The following XXYLT1 variants were observed in gnomAD, a reference collection of about 807,000 sequenced individuals.
XXYLT1 encodes xyloside xylosyltransferase 1.
A neutral mutation model predicts 28.9 loss-of-function variants in XXYLT1; 20 were observed. The observed-to-expected ratio is 0.69, with a 90% CI of 0.49 to 1.00. The LOEUF is 1.00. XXYLT1 is among the 50% of genes least tolerant of loss of function. The probability of loss-of-function intolerance (pLI) is 0.00; values close to 1 mark genes in which losing one functional copy is unlikely to be tolerated. For synonymous variants in XXYLT1, 257 were observed against 253.8 expected (o/e 1.01, Z -0.12); for missense variants, 542 against 560.1 (o/e 0.97, Z 0.33).
chr3:195,132,843 G>A (rs539485046), intron 3 of XXYLT1, among the ~76,000 whole-genome samples: 11 of 152,290 alleles, frequency 7.2e-5, no homozygotes, highest in South Asian at 2.1e-4. Context: ...ACAGATTAAC[G>A]CTGAGATGCA....
chr3:195,116,530 G>A (rs1018827144), intron 3 of XXYLT1, among the ~76,000 whole-genome samples: 1 of 152,126 alleles, frequency 6.6e-6, no homozygotes, highest in Non-Finnish European at 1.5e-5. Context: ...CAAGAAGGGA[G>A]GGAACTTGGC....
At chr3:195,185,083 GAAGA>G (rs1419828460) in intron 2 of XXYLT1, among the ~76,000 whole-genome samples, 4 of 95,012 alleles carry the variant, frequency 4.2e-5, no homozygotes, top group Non-Finnish European at 7.7e-5. Flanking sequence ...AGGAAAGAAG[GAAGA>G]AGGAAGGAAG....
intron 2 of XXYLT1, among the ~76,000 whole-genome samples, chr3:195,205,913 C>T (rs1158300129): frequency 6.6e-6 from 1 of 151,836 alleles, no homozygotes; most frequent in Non-Finnish European, 1.5e-5. Context: ...GTTGTATTTG[C>T]TATAGTTTTT....
chr3:195,123,686 A>G (rs573596455), intron 3 of XXYLT1, among the ~76,000 whole-genome samples: 52 of 152,184 alleles, frequency 3.4e-4, no homozygotes, highest in Non-Finnish European at 6.6e-4. Context: ...AGGCAGTGCC[A>G]CCACCAGTGA....
chr3:195,204,341 C>CAAA lies in XXYLT1; in HGVS notation c.652+22365_652+22367dup, dbSNP rs962372077. Among the ~76,000 whole-genome samples the CAAA allele has an allele frequency of 1.6e-4, 17 of 106,834 alleles. No homozygotes were observed. In the East Asian group the frequency reaches 3.4e-3, roughly 22 times the overall value. The allele number at this position is 106,834 out of a possible 152,430, so 70.1% of individuals were successfully genotyped here. A position where few individuals can be genotyped will look rare whatever the true frequency, so the allele number is the denominator to read the frequency against. On this transcript the variant is annotated intron_variant, in intron 2 of 3. Transcript: ENST00000310380. ...CTGGCGACAGAGCAAGACTCTGTCT[C>CAAA]AAAAAAAAAAAAAAGAGAGAGAGAG...
chr3:195,149,940 A>G (rs1412359492), intron 3 of XXYLT1, among the ~76,000 whole-genome samples: 5 of 152,354 alleles, frequency 3.3e-5, no homozygotes, highest in Admixed American at 1.3e-4. Context: ...TTTGTCTTCC[A>G]TAATAGGAGG....
intron 1 of XXYLT1, among the ~76,000 whole-genome samples, chr3:195,269,720 T>G (rs1336183043): frequency 6.6e-6 from 1 of 152,228 alleles, no homozygotes; most frequent in Non-Finnish European, 1.5e-5. Flanking sequence ...TAATATTACC[T>G]ACTACTCCTT....
chr3:195,189,771 T>C (rs1722343449), intron 2 of XXYLT1, among the ~76,000 whole-genome samples: 1 of 151,686 alleles, frequency 6.6e-6, no homozygotes, highest in Non-Finnish European at 1.5e-5. Flanking sequence ...AAAGACAAAA[T>C]AGGTGAAAAA....
At chr3:195,146,262 G>A (rs557522314) in intron 3 of XXYLT1, among the ~76,000 whole-genome samples, 1 of 152,304 alleles carries the variant, frequency 6.6e-6, no homozygotes, top group South Asian at 2.1e-4. Flanking sequence ...CATGCCACTG[G>A]GATTCAACTG....
chr3:195,266,902 G>A (rs1174027482), intron 1 of XXYLT1, among the ~76,000 whole-genome samples: 2 of 152,208 alleles, frequency 1.3e-5, no homozygotes, highest in Non-Finnish European at 2.9e-5. Flanking sequence ...GCTAGAAGCA[G>A]CTCCTCCTAT....
intron 3 of XXYLT1, among the ~76,000 whole-genome samples, chr3:195,111,093 C>G (rs369162099): frequency 2.0e-4 from 30 of 152,182 alleles, no homozygotes; most frequent in African/African-American, 6.5e-4. Flanking sequence ...CCTCTGAGGG[C>G]TGCGAGGCCG....
At chr3:195,130,327 T>C (rs1718841011) in intron 3 of XXYLT1, among the ~76,000 whole-genome samples, 1 of 152,226 alleles carries the variant, frequency 6.6e-6, no homozygotes, top group Non-Finnish European at 1.5e-5. Flanking sequence ...AGGGACTATC[T>C]GAATGCAGCC....
intron 2 of XXYLT1, among the ~76,000 whole-genome samples, chr3:195,224,774 G>C (rs1723977644): frequency 6.6e-6 from 1 of 152,182 alleles, no homozygotes; most frequent in Non-Finnish European, 1.5e-5. Flanking sequence ...CAAGCCCTGG[G>C]CTCTTCAGAA....
intron 3 of XXYLT1, among the ~76,000 whole-genome samples, chr3:195,134,826 G>GGTGTGTGTGTGTGTGT (rs3073321): frequency 5.5e-5 from 8 of 145,482 alleles, no homozygotes; most frequent in Non-Finnish European, 9.0e-5. Flanking sequence ...CGTGAAGAGG[G>GGTGTGTGTGTGTGTGT]GTGTGTGTGT....
chr3:195,100,378 G>A (rs1169011746), intron 3 of XXYLT1, among the ~76,000 whole-genome samples: 4 of 152,144 alleles, frequency 2.6e-5, no homozygotes, highest in African/African-American at 9.7e-5. Context: ...ACCGGACAGT[G>A]TGCTTTGGCC....
chr3:195,156,039 C>G (rs1407195056), intron 3 of XXYLT1, among the ~76,000 whole-genome samples: 2 of 152,222 alleles, frequency 1.3e-5, no homozygotes, highest in African/African-American at 4.8e-5. Context: ...TCCCTCCCTA[C>G]AAGACCACCA....
At chr3:195,146,356 C>T (rs770705351) in intron 3 of XXYLT1, among the ~76,000 whole-genome samples, 1 of 152,180 alleles carries the variant, frequency 6.6e-6, no homozygotes, top group African/African-American at 2.4e-5. Flanking sequence ...TCTTTCAATG[C>T]GATGATGTTT....
At chr3:195,203,930 C>T (rs1722956226) in intron 2 of XXYLT1, among the ~76,000 whole-genome samples, 1 of 152,196 alleles carries the variant, frequency 6.6e-6, no homozygotes. Context: ...TGATAACCAA[C>T]TGAGGAAATG....
chr3:195,071,284 C>T (rs992492602), intron 3 of XXYLT1, among the ~76,000 whole-genome samples: 6 of 152,316 alleles, frequency 3.9e-5, no homozygotes, highest in African/African-American at 7.2e-5. Context: ...GCTGCCCCAC[C>T]GGCCCCCGCA....
Sources: allele counts gnomAD v4.1 joint callset (sites outside exome capture counted in the v4.1 genomes callset), GRCh38; gene constraint gnomAD v4.1.1; transcripts MANE v1.5; gene names NCBI Gene and HGNC (gene_info 2026-07-23, HGNC 2026-07-21).